ST7L: variants seen among roughly 807,000 people sequenced by gnomAD.
ST7L encodes suppression of tumorigenicity 7 like.
A neutral mutation model predicts 72.5 loss-of-function variants in ST7L; 57 were observed. That is an observed-to-expected ratio of 0.79 (90% CI 0.64 to 0.98). ST7L has a LOEUF of 0.98. ST7L is among the 50% of genes least tolerant of loss of function. The pLI, the probability that ST7L is intolerant of heterozygous loss-of-function variation, is 0.00. For missense variants in ST7L, 576 were observed against 672.2 expected, an observed-to-expected ratio of 0.86 and a Z score of 1.58; for synonymous variants, 221 against 240.9, an observed-to-expected ratio of 0.92 and a Z score of 0.77.
chr1:112,547,649 G>C (rs1361288208), intron 13 of ST7L, among the ~76,000 whole-genome samples: 1 of 121,874 alleles, frequency 8.2e-6, no homozygotes, highest in Non-Finnish European at 1.6e-5. Flanking sequence ...TGCAACCTCC[G>C]CCTCCCAGGT....
chr1:112,584,216 CT>C, intron 6 of ST7L, 90 bp from the exon 7 acceptor site: 1 of 1,296,114 alleles, frequency 7.7e-7, no homozygotes, highest in Non-Finnish European at 1.0e-6. Context: ...GTCATATTTC[CT>C]TACCTACACT....
intron 9 of ST7L, among the ~76,000 whole-genome samples, chr1:112,581,359 A>G (rs1177832299): frequency 1.3e-5 from 2 of 151,436 alleles, no homozygotes; most frequent in African/African-American, 4.9e-5. Flanking sequence ...TGCTCCACTA[A>G]ACTGTAAATA....
intron 14 of ST7L, chr1:112,540,023 C>A (rs1233327149): frequency 1.0e-6 from 1 of 985,280 alleles, no homozygotes; most frequent in East Asian, 1.1e-4. Context: ...CATTCTCAGT[C>A]TCTACTAGAG....
chr1:112,618,638 G>T, intron 1 of ST7L: 1 of 593,126 alleles, frequency 1.7e-6, no homozygotes, highest in Non-Finnish European at 2.8e-6. Context: ...AATACCTGAA[G>T]CTTATAGCTT....
intron 10 of ST7L, 134 bp downstream of exon 10, chr1:112,578,211 A>C: frequency 5.8e-6 from 5 of 868,362 alleles, no homozygotes; most frequent in Middle Eastern, 3.5e-4. Flanking sequence ...CAAGAAGCCT[A>C]AAAGCCCAAG....
intron 11 of ST7L, among the ~76,000 whole-genome samples, chr1:112,570,570 T>TACACACACACAC (rs1553248207): frequency 1.4e-5 from 2 of 143,372 alleles, no homozygotes; most frequent in African/African-American, 5.2e-5. Flanking sequence ...TATATATATA[T>TACACACACACAC]ACACACACAC....
intron 4 of ST7L, among the ~76,000 whole-genome samples, chr1:112,599,091 T>A (rs867189173): frequency 0.014 from 1,020 of 74,750 alleles, 104 homozygotes; most frequent in African/African-American, 0.048. Context: ...TATATATATA[T>A]ATATATATAT....
At chr1:112,522,738 AC>A (rs1243374253), downstream of ST7L, 1 of 152,304 alleles carries the variant, frequency 6.6e-6, no homozygotes, top group Non-Finnish European at 1.5e-5. Flanking sequence ...ACATCCATTA[AC>A]ACAAAACATG....
chr1:112,559,107 C>T (rs528981928), intron 11 of ST7L, among the ~76,000 whole-genome samples: 7 of 152,046 alleles, frequency 4.6e-5, no homozygotes, highest in Non-Finnish European at 8.8e-5. Context: ...TTTAGAACTC[C>T]GAAGCCTTAA....
rs545222795 is a variant in ST7L at position 112,607,142 on chromosome 1, T to A, written c.451+3699A>T. ...TTTAAGAATGTAAAGGATTTCTTAGTCTAAAAAGTTTGAGAACCACTTTTT... is the reference window on the plus strand; with the variant it reads ...TTTAAGAATGTAAAGGATTTCTTAGACTAAAAAGTTTGAGAACCACTTTTT... On this transcript the variant is annotated intron_variant, in intron 3 of 14. Transcript: ENST00000358039. 3.9e-5 allele frequency: 6 copies of A among 152,320 alleles called. No homozygotes were observed. The South Asian group carries it at 1.2e-3, about 32-fold the overall frequency. The allele number at this position is 152,320 out of a possible 1,614,324, so 9.4% of individuals were successfully genotyped here. A position where few individuals can be genotyped will look rare whatever the true frequency, so the allele number is the denominator to read the frequency against.
intron 3 of ST7L, among the ~76,000 whole-genome samples, chr1:112,604,547 C>A: frequency 6.6e-6 from 1 of 151,788 alleles, no homozygotes; most frequent in East Asian, 1.9e-4. Flanking sequence ...GGATAGACAT[C>A]CCCATTCTCA....
At position 112,597,579 on chromosome 1, in the gene ST7L, C is replaced by T. The variant is rs116299408; in HGVS notation, c.622+392G>A. Among the ~76,000 whole-genome samples, 685 of 152,288 alleles carry T rather than the reference C, an allele frequency of 4.5e-3. 1 individual carries two copies. The highest frequency in any genetic ancestry group is 0.016 in the African/African-American group (654 of 41,550). On this transcript the variant is annotated intron_variant, in intron 5 of 14. Transcript: ENST00000358039. ...CCACTTTATATGTATCTCTAACTCA[C>T]GACTAAAACAAAATAGACTCCAGTT... is the stretch of plus-strand genomic sequence containing the variant.
At chr1:112,520,416 G>C (rs753209433), downstream of ST7L, 2 of 1,614,038 alleles carry the variant, frequency 1.2e-6, no homozygotes, top group African/African-American at 2.7e-5. Flanking sequence ...AATTCCACTG[G>C]TGCTGTGCTG....
chr1:112,614,281 G>C (rs1025049085), intron 2 of ST7L, among the ~76,000 whole-genome samples: 5 of 152,046 alleles, frequency 3.3e-5, no homozygotes, highest in Admixed American at 3.3e-4. Flanking sequence ...ACAGGGTCTT[G>C]TTGTTGCCCA....
At chr1:112,587,997 A>G (rs115878305) in intron 6 of ST7L, among the ~76,000 whole-genome samples, 3,066 of 152,324 alleles carry the variant, frequency 0.02, 105 homozygotes, top group African/African-American at 0.069. Context: ...AGTTTTCAGC[A>G]TCCAAGTCTT....
At chr1:112,554,132 C>A (rs1570981824) in intron 12 of ST7L, among the ~76,000 whole-genome samples, 1 of 152,126 alleles carries the variant, frequency 6.6e-6, no homozygotes, top group Non-Finnish European at 1.5e-5. Context: ...GGCGGGTTAA[C>A]CAATTTTAGT....
intron 14 of ST7L, chr1:112,539,889 C>G (rs1253926057): frequency 1.0e-6 from 1 of 985,008 alleles, no homozygotes; most frequent in Non-Finnish European, 1.2e-6. Context: ...ATTCTTAACA[C>G]TATATACCAT....
chr1:112,530,171 A>C (rs1654139558), intron 14 of ST7L: 1 of 152,226 alleles, frequency 6.6e-6, no homozygotes, highest in Non-Finnish European at 1.5e-5. Context: ...CCGAATCCCC[A>C]GTTTTCTGCC....
intron 5 of ST7L, among the ~76,000 whole-genome samples, chr1:112,592,147 C>CGAT (rs1367762334): frequency 1.3e-5 from 2 of 151,160 alleles, no homozygotes; most frequent in African/African-American, 4.9e-5. Context: ...CAGCCTCTAT[C>CGAT]AGGATTCAAC....
Sources: allele counts gnomAD v4.1 joint callset (sites outside exome capture counted in the v4.1 genomes callset), GRCh38; gene constraint gnomAD v4.1.1; transcripts MANE v1.5; gene names NCBI Gene and HGNC (gene_info 2026-07-23, HGNC 2026-07-21).